ROBO1: variants seen among roughly 807,000 people sequenced by gnomAD.
ROBO1 encodes roundabout homolog 1.
A neutral mutation model predicts 195.9 loss-of-function variants in ROBO1; 149 were observed. The ratio of observed to expected loss-of-function variants is 0.76; its 90% CI spans 0.67 to 0.87. The LOEUF (loss-of-function observed/expected upper bound fraction) is 0.87, where lower values mean the gene tolerates loss of function less well. Ranked by LOEUF, ROBO1 falls within the 40% of genes least tolerant of loss-of-function variation. The pLI is 0.00. For missense variants in ROBO1, 1,933 were observed against 2,068.3 expected (o/e 0.93, Z 1.27); for synonymous variants, 816 against 733.2 (o/e 1.11, Z -1.82).
In ROBO1 at chr3:78,714,432, C is replaced by T. The variant is rs767650826; in HGVS notation, c.1010G>A (p.Gly337Asp). Residue 337 changes from glycine (G) to aspartate (D), a missense_variant, in exon 8 of 31, where the codon GGC (glycine) becomes GAC (aspartate). This residue lies in a region of ROBO1 where 1,737 missense variants were observed against 1,882.5 expected (regional missense o/e 0.92). Coordinates refer to ENST00000464233, the MANE Select transcript of ROBO1 (RefSeq NM_002941.4). ...SYTCVAENMV[G>D]KAEASATLTV... ...CAGAGTAGCAGATGCTTCAGCTTTG[C>T]CCACCATATTTTCTGCAACACAAGT... The T allele has an allele frequency of 2.5e-6, 4 of 1,613,112 alleles. No individual in the cohort carries two copies. Among genetic ancestry groups the T allele is most frequent in the Non-Finnish European group, 8.5e-7 (1 of 1,179,436 alleles).
intron 1 of ROBO1, among the ~76,000 whole-genome samples, chr3:79,644,341 A>G (rs930107257): frequency 2.0e-5 from 3 of 152,298 alleles, no homozygotes; most frequent in East Asian, 1.9e-4. Flanking sequence ...GTTAAACTAC[A>G]TATGTATTAA....
intron 2 of ROBO1, among the ~76,000 whole-genome samples, chr3:79,446,031 C>T (rs936795766): frequency 6.6e-6 from 1 of 152,164 alleles, no homozygotes; most frequent in African/African-American, 2.4e-5. Flanking sequence ...CTCCTGGCTT[C>T]AAGCAATCCC....
chr3:78,693,358 T>A, intron 8 of ROBO1: 1 of 1,545,724 alleles, frequency 6.5e-7, no homozygotes, highest in Non-Finnish European at 8.7e-7. Flanking sequence ...CAGACCCAAC[T>A]AAAACAAAAC....
chr3:78,922,627 A>T (rs2039004873), intron 4 of ROBO1, among the ~76,000 whole-genome samples: 1 of 118,586 alleles, frequency 8.4e-6, no homozygotes, highest in Admixed American at 9.6e-5. Flanking sequence ...TTTTTTTGAC[A>T]GAGTCTCATT....
At chr3:78,736,468 A>G (rs1304247975) in intron 5 of ROBO1, among the ~76,000 whole-genome samples, 1 of 152,136 alleles carries the variant, frequency 6.6e-6, no homozygotes, top group African/African-American at 2.4e-5. Context: ...GATTTTGCTG[A>G]TGGCTCCTCT....
At chr3:78,919,286 G>A (rs1447121935) in intron 4 of ROBO1, among the ~76,000 whole-genome samples, 1 of 152,132 alleles carries the variant, frequency 6.6e-6, no homozygotes, top group Non-Finnish European at 1.5e-5. Flanking sequence ...TGAAATACTA[G>A]TACTTTCACA....
At position 79,672,930 on chromosome 3, in the gene ROBO1, G is replaced by A. The variant is rs188866131; in HGVS notation, c.-50-82969C>T. ...ATGTGGAAGCTCAGAGTGATAGCCTGTGGAACTCATCAAATAACTGATCTT... is the reference window on the plus strand; with the variant it reads ...ATGTGGAAGCTCAGAGTGATAGCCTATGGAACTCATCAAATAACTGATCTT... On this transcript the variant is annotated intron_variant, in intron 1 of 30. Transcript: ENST00000464233. 2.0e-5 allele frequency among the ~76,000 whole-genome samples: 3 copies of A among 152,056 alleles called. No homozygotes were observed. In the East Asian group the frequency reaches 5.8e-4, roughly 30 times the overall value.
chr3:78,885,909 TTATATATATATATA>T lies in ROBO1; in HGVS notation c.499+52678_499+52691del, dbSNP rs10651992. ...AGACCCTACTACTGATAGCAAAATT[TTATATATATATATA>T]TATATATATATATATATACATACAT... On this transcript the variant is annotated intron_variant, in intron 4 of 30. Transcript: ENST00000464233. Among the ~76,000 whole-genome samples the T allele has an allele frequency of 3.6e-3, 420 of 117,746 alleles. 6 individuals carry two copies. Among genetic ancestry groups the T allele is most frequent in the African/African-American group, 0.014 (403 of 29,680 alleles). The allele number at this position is 117,746 out of a possible 152,430, so 77.2% of individuals were successfully genotyped here.
chr3:79,638,511 C>G (rs1576160369), intron 1 of ROBO1, among the ~76,000 whole-genome samples: 1 of 152,094 alleles, frequency 6.6e-6, no homozygotes, highest in Non-Finnish European at 1.5e-5. Flanking sequence ...AATGCCTGAC[C>G]TCAGGTGATC....
At chr3:78,751,997 AC>A (rs1183075866) in intron 4 of ROBO1, among the ~76,000 whole-genome samples, 1 of 151,980 alleles carries the variant, frequency 6.6e-6, no homozygotes, top group African/African-American at 2.4e-5. Flanking sequence ...GCAAATAGTA[AC>A]CTCTTGTCAA....
chr3:79,270,349 C>A (rs2030430852), intron 2 of ROBO1, among the ~76,000 whole-genome samples: 1 of 151,674 alleles, frequency 6.6e-6, no homozygotes, highest in African/African-American at 2.4e-5. Flanking sequence ...TGCTTTAATA[C>A]TAATAACAAT....
At chr3:79,185,819 C>T (rs2081428198) in intron 2 of ROBO1, among the ~76,000 whole-genome samples, 1 of 152,058 alleles carries the variant, frequency 6.6e-6, no homozygotes, top group African/African-American at 2.4e-5. Flanking sequence ...TTCCTTTTCT[C>T]ATATAGGACT....
intron 2 of ROBO1, among the ~76,000 whole-genome samples, chr3:79,401,842 A>T (rs539406007): frequency 1.3e-4 from 19 of 151,874 alleles, no homozygotes; most frequent in Non-Finnish European, 2.7e-4. Context: ...CTCTTGGCAA[A>T]GACAGCACTG....
At position 79,695,261 on chromosome 3, in the gene ROBO1, C is replaced by T. The variant is rs775848572; in HGVS notation, c.-51+72491G>A. Among the ~76,000 whole-genome samples, 6 of 151,282 alleles carry T rather than the reference C, an allele frequency of 4.0e-5. No individual in the cohort carries two copies. In the East Asian group the frequency reaches 9.7e-4, roughly 25 times the overall value. On this transcript the variant is annotated intron_variant, in intron 1 of 30. Transcript: ENST00000464233. ...AAAGACAAGCTTTTTAATTATATTG[C>T]CTATTTAGTCCCTCTCTGTTCTGGT...
At chr3:78,883,010 A>C (rs1043400047) in intron 4 of ROBO1, among the ~76,000 whole-genome samples, 3 of 151,760 alleles carry the variant, frequency 2.0e-5, no homozygotes, top group Admixed American at 6.6e-5. Flanking sequence ...ATGGGGTTTC[A>C]CCATGTTGGC....
At chr3:78,650,907 C>T (rs533245803) in intron 19 of ROBO1, among the ~76,000 whole-genome samples, 139 of 152,170 alleles carry the variant, frequency 9.1e-4, no homozygotes, top group Non-Finnish European at 1.5e-3. Context: ...ATCTACAGCC[C>T]AGATCTGAGG....
intron 2 of ROBO1, among the ~76,000 whole-genome samples, chr3:79,364,261 T>TAC (rs770259286): frequency 1.8e-3 from 267 of 149,266 alleles, no homozygotes; most frequent in Non-Finnish European, 3.1e-3. Context: ...TACATATATA[T>TAC]ACACACACAC....
At chr3:79,061,516 G>A (rs1005439652) in intron 3 of ROBO1, among the ~76,000 whole-genome samples, 1 of 152,038 alleles carries the variant, frequency 6.6e-6, no homozygotes, top group African/African-American at 2.4e-5. Context: ...AAGTTCATAT[G>A]GAATCAAGAA....
At chr3:79,136,339 C>T (rs1273845302) in intron 2 of ROBO1, among the ~76,000 whole-genome samples, 1 of 152,102 alleles carries the variant, frequency 6.6e-6, no homozygotes, top group East Asian at 1.9e-4. Context: ...ATAATAAAAA[C>T]ATAAAAGCTT....
Sources: allele counts gnomAD v4.1 joint callset (sites outside exome capture counted in the v4.1 genomes callset), GRCh38; gene constraint gnomAD v4.1.1; regional missense constraint gnomAD v4.1.1; transcripts MANE v1.5; gene names NCBI Gene and HGNC (gene_info 2026-07-23, HGNC 2026-07-21).